Variants in KANK1 observed in about 807,000 individuals in gnomAD.
KANK1 encodes KN motif and ankyrin repeat domains 1, also known as KN motif and ankyrin repeat domain-containing protein 1.
A neutral mutation model predicts 106.2 loss-of-function variants in KANK1; 109 were observed. The ratio of observed to expected loss-of-function variants is 1.03; its 90% CI spans 0.88 to 1.20. The LOEUF is 1.20. Among genes scored for constraint, KANK1 ranks in the 50% most tolerant of loss-of-function variants. The pLI is 0.00. For missense variants in KANK1, 2,399 were observed against 1,710.7 expected (o/e 1.40, Z -7.10); for synonymous variants, 873 against 652.2 (o/e 1.34, Z -5.16).
chr9:491,418 T>C (rs751781840), intron 3 of KANK1, among the ~76,000 whole-genome samples: 10 of 151,796 alleles, frequency 6.6e-5, no homozygotes, highest in Non-Finnish European at 1.3e-4. Flanking sequence ...CAGGTGTGCA[T>C]CACCACGCCC....
intron 1 of KANK1, among the ~76,000 whole-genome samples, chr9:516,566 T>C (rs2059285576): frequency 6.6e-6 from 1 of 151,352 alleles, no homozygotes; most frequent in Admixed American, 6.6e-5. Context: ...AGGGGAGCGG[T>C]TTTGGCTGTA....
chr9:732,170 G>C, intron 5 of KANK1: 1 of 526,326 alleles, frequency 1.9e-6, no homozygotes, highest in Admixed American at 3.2e-5. Context: ...ATACCAATTG[G>C]TTATATGATA....
At chr9:544,925 T>C (rs946955234) in intron 1 of KANK1, among the ~76,000 whole-genome samples, 2 of 152,236 alleles carry the variant, frequency 1.3e-5, no homozygotes, top group Admixed American at 1.3e-4. Context: ...GTAGGTGAAG[T>C]GCTGGCTGGA....
chr9:472,022 C>CA (rs747342639), intron 2 of KANK1, among the ~76,000 whole-genome samples: 2 of 152,108 alleles, frequency 1.3e-5, no homozygotes, highest in African/African-American at 4.8e-5. Flanking sequence ...ATGTGACTGA[C>CA]AAAAAAGAGC....
intron 1 of KANK1, among the ~76,000 whole-genome samples, chr9:665,365 G>C (rs1290271784): frequency 6.6e-6 from 1 of 152,150 alleles, no homozygotes. Flanking sequence ...TAGAGGTCTA[G>C]TTTCATTCTT....
intron 1 of KANK1, among the ~76,000 whole-genome samples, chr9:667,126 T>C (rs1844818520): frequency 6.6e-6 from 1 of 151,932 alleles, no homozygotes; most frequent in Admixed American, 6.5e-5. Flanking sequence ...ATCTTATTAC[T>C]TGCTATTGGT....
At chr9:700,580 T>G (rs1822420033) in intron 2 of KANK1, among the ~76,000 whole-genome samples, 1 of 152,190 alleles carries the variant, frequency 6.6e-6, no homozygotes, top group Non-Finnish European at 1.5e-5. Context: ...TTTTGACTGC[T>G]TTGAACAGCA....
chr9:694,605 G>A (rs924349302), intron 2 of KANK1, among the ~76,000 whole-genome samples: 1 of 152,188 alleles, frequency 6.6e-6, no homozygotes, highest in Non-Finnish European at 1.5e-5. Flanking sequence ...GAGGGCCACT[G>A]TATAAACCGC....
chr9:640,560 G>T (rs1474271182), intron 1 of KANK1, among the ~76,000 whole-genome samples: 1 of 151,990 alleles, frequency 6.6e-6, no homozygotes, highest in Non-Finnish European at 1.5e-5. Flanking sequence ...ATCATGCCCA[G>T]CTAATTTTTG....
upstream of KANK1, among the ~76,000 whole-genome samples, chr9:501,225 C>G (rs1235142779): frequency 6.6e-6 from 1 of 152,170 alleles, no homozygotes; most frequent in Admixed American, 6.5e-5. Context: ...CAACTTAGGA[C>G]TTTAAAACTC....
intron 1 of KANK1, among the ~76,000 whole-genome samples, chr9:566,688 C>G (rs139749598): frequency 3.1e-4 from 47 of 152,202 alleles, no homozygotes; most frequent in African/African-American, 1.0e-3. Flanking sequence ...ATGCCTTTGC[C>G]TACTTTTTAA....
intron 1 of KANK1, among the ~76,000 whole-genome samples, chr9:607,699 T>C (rs1385713952): frequency 6.6e-6 from 1 of 151,616 alleles, no homozygotes; most frequent in African/African-American, 2.4e-5. Context: ...CTAGGAAACT[T>C]TGCTGGCAGG....
Position 492,570 on chromosome 9 carries a change from T to G in KANK1, c.-362+19297T>G, listed in dbSNP as rs369758216. ...GAGAGACAGTCTCACATCACATGCT[T>G]AACATAGTGATTGGCATATAGAAAG... is the stretch of plus-strand genomic sequence containing the variant. On this transcript the variant is annotated intron_variant, in intron 3 of 15. Coordinates refer to the KANK1 transcript ENST00000382303. Among the ~76,000 whole-genome samples, 65 of 152,324 alleles carry G rather than the reference T, an allele frequency of 4.3e-4. 1 individual carries two copies. In the East Asian group the frequency reaches 9.2e-3, roughly 22 times the overall value.
At chr9:687,990 G>C (rs1818951518) in intron 2 of KANK1, among the ~76,000 whole-genome samples, 2 of 152,154 alleles carry the variant, frequency 1.3e-5, no homozygotes, top group Non-Finnish European at 2.9e-5. Context: ...TATTTGCAGA[G>C]CACCTACTTT....
chr9:702,644 TG>T (rs1822969421), intron 2 of KANK1, among the ~76,000 whole-genome samples: 1 of 151,698 alleles, frequency 6.6e-6, no homozygotes, highest in African/African-American at 2.4e-5. Flanking sequence ...ACATTTTAAC[TG>T]GTCCTATTGA....
chr9:625,081 T>C (rs1459913173), intron 1 of KANK1, among the ~76,000 whole-genome samples: 1 of 152,082 alleles, frequency 6.6e-6, no homozygotes, highest in Non-Finnish European at 1.5e-5. Context: ...CTCCTAAGGG[T>C]GTACAGCAGT....
chr9:730,578 A>G (rs574296838), intron 4 of KANK1: 147 of 321,250 alleles, frequency 4.6e-4, no homozygotes, highest in African/African-American at 3.1e-3. Flanking sequence ...CTGTAGTCCC[A>G]GCTACTCCGG....
intron 3 of KANK1, among the ~76,000 whole-genome samples, chr9:718,453 C>T (rs1012198266): frequency 6.7e-6 from 1 of 150,280 alleles, no homozygotes; most frequent in Non-Finnish European, 1.5e-5. Context: ...GCTGGGACTA[C>T]AGGTGCATGC....
chr9:496,528 G>T (rs528350184), intron 3 of KANK1, among the ~76,000 whole-genome samples: 1 of 152,256 alleles, frequency 6.6e-6, no homozygotes, highest in African/African-American at 2.4e-5. Context: ...CTGCACTCCA[G>T]CCTGGACAAC....
Sources: allele counts gnomAD v4.1 joint callset (sites outside exome capture counted in the v4.1 genomes callset), GRCh38; gene constraint gnomAD v4.1.1; transcripts MANE v1.5; gene names NCBI Gene and HGNC (gene_info 2026-07-23, HGNC 2026-07-21).